Variants in C12orf56 observed in about 807,000 individuals in gnomAD.
C12orf56 encodes uncharacterized protein C12orf56.
A neutral mutation model predicts 69.9 loss-of-function variants in C12orf56; 71 were observed. That is an observed-to-expected ratio of 1.02 (90% CI 0.84 to 1.24). C12orf56 has a LOEUF of 1.24. Ranked by LOEUF, C12orf56 falls within the 50% of genes most tolerant of loss-of-function variation. The pLI is 0.00. For synonymous variants in C12orf56, 276 were observed against 274.1 expected (o/e 1.01, Z -0.07); for missense variants, 732 against 738.5 (o/e 0.99, Z 0.10).
At chr12:64,307,427 T>A (rs1295193273) in intron 5 of C12orf56, among the ~76,000 whole-genome samples, 1 of 145,188 alleles carries the variant, frequency 6.9e-6, no homozygotes, top group Admixed American at 7.2e-5. Context: ...TGGAGTGCCG[T>A]GGCACAATCT....
intron 1 of C12orf56, among the ~76,000 whole-genome samples, chr12:64,378,566 TG>T (rs2039671588): frequency 1.3e-5 from 2 of 152,102 alleles, no homozygotes; most frequent in Admixed American, 1.3e-4. Flanking sequence ...CCCAAGTAAC[TG>T]GGACTACAGG....
chr12:64,341,099 C>G (rs2039068409), intron 2 of C12orf56, among the ~76,000 whole-genome samples: 1 of 152,174 alleles, frequency 6.6e-6, no homozygotes, highest in African/African-American at 2.4e-5. Context: ...GGCCTGTTGA[C>G]TTAAAGGTAG....
chr12:64,338,290 A>G (rs1023972807), intron 2 of C12orf56: 1 of 510,500 alleles, frequency 2.0e-6, no homozygotes, highest in African/African-American at 2.0e-5. Flanking sequence ...TTATGTTACA[A>G]TCCCCATTAT....
Position 64,318,685 on chromosome 12 carries a change from G to T in C12orf56, c.784C>A (p.Gln262Lys). ...LGNSLLDSPS[Q>K]SNSNLEKKES... ...TTTTTCTCTAAATTTGAGTTGCTCTGTGAAGGGGAATCTAAGAGGGAATTT... is the reference window on the plus strand; with the variant it reads ...TTTTTCTCTAAATTTGAGTTGCTCTTTGAAGGGGAATCTAAGAGGGAATTT... Residue 262 changes from glutamine (Q) to lysine (K), a missense_variant, in exon 4 of 13, where the codon CAG becomes AAG. Physicochemically the swap from Gln to Lys is moderately conservative, Grantham distance 53. Transcript: ENST00000543942. 6.5e-7 allele frequency: 1 copy of T among 1,537,146 alleles called. No individual in the cohort carries two copies. The highest frequency in any genetic ancestry group is 2.4e-5 in the East Asian group (1 of 40,924).
At chr12:64,338,656 C>G in intron 2 of C12orf56, 1 of 1,586,178 alleles carries the variant, frequency 6.3e-7, no homozygotes, top group Non-Finnish European at 8.7e-7. Flanking sequence ...TTTGGGTTTG[C>G]ACAAACTGAC....
At chr12:64,344,653 A>G (rs766246998) in intron 2 of C12orf56, among the ~76,000 whole-genome samples, 2 of 152,170 alleles carry the variant, frequency 1.3e-5, no homozygotes, top group African/African-American at 2.4e-5. Flanking sequence ...GTTAGATCTG[A>G]CATACAGAGA....
intron 3 of C12orf56, among the ~76,000 whole-genome samples, chr12:64,320,775 C>G (rs374953283): frequency 6.6e-6 from 1 of 152,146 alleles, no homozygotes; most frequent in Non-Finnish European, 1.5e-5. Context: ...CCCAGCAGAA[C>G]GGACCAAAAC....
intron 5 of C12orf56, among the ~76,000 whole-genome samples, chr12:64,309,101 A>G (rs1565749247): frequency 6.6e-6 from 1 of 152,200 alleles, no homozygotes; most frequent in Non-Finnish European, 1.5e-5. Context: ...ACAAACACAC[A>G]TATATACTTT....
intron 2 of C12orf56, among the ~76,000 whole-genome samples, chr12:64,337,199 T>C (rs932972174): frequency 7.9e-5 from 12 of 152,122 alleles, no homozygotes; most frequent in African/African-American, 2.7e-4. Context: ...TTTACTCACT[T>C]CAGACACCAA....
intron 9 of C12orf56, among the ~76,000 whole-genome samples, chr12:64,276,999 A>C (rs1299071358): frequency 1.1e-5 from 1 of 89,078 alleles, no homozygotes; most frequent in East Asian, 7.6e-4. Flanking sequence ...TTCTTAAAAA[A>C]AAAAAAAAAA....
intron 1 of C12orf56, among the ~76,000 whole-genome samples, chr12:64,387,059 C>G (rs2039801509): frequency 1.0e-5 from 1 of 97,230 alleles, no homozygotes; most frequent in Non-Finnish European, 1.8e-5. Flanking sequence ...GCCTGGGTAA[C>G]AGAGCGAGAC....
At chr12:64,282,925 C>T (rs901256352) in intron 8 of C12orf56, among the ~76,000 whole-genome samples, 13 of 151,990 alleles carry the variant, frequency 8.6e-5, no homozygotes, top group Non-Finnish European at 1.9e-4. Context: ...AGGCGGATCA[C>T]CTGAGGTCGG....
chr12:64,275,036 A>C, intron 10 of C12orf56, 61 bp from the exon 11 acceptor site: 1 of 1,392,104 alleles, frequency 7.2e-7, no homozygotes, highest in Non-Finnish European at 1.0e-6. Flanking sequence ...ATATAAAAGG[A>C]TACTCATTCT....
intron 8 of C12orf56, among the ~76,000 whole-genome samples, chr12:64,278,805 G>A (rs2038088309): frequency 6.6e-6 from 1 of 152,056 alleles, no homozygotes; most frequent in Non-Finnish European, 1.5e-5. Flanking sequence ...GTTTTTATGA[G>A]TTTGGCTTTT....
At chr12:64,270,221 C>A (rs1218656845) in intron 12 of C12orf56, among the ~76,000 whole-genome samples, 1 of 151,922 alleles carries the variant, frequency 6.6e-6, no homozygotes, top group Non-Finnish European at 1.5e-5. Context: ...CATGGTGAAA[C>A]CCTGTCTCTA....
chr12:64,352,672 G>A (rs2039245599), intron 2 of C12orf56, among the ~76,000 whole-genome samples: 1 of 152,144 alleles, frequency 6.6e-6, no homozygotes, highest in Non-Finnish European at 1.5e-5. Context: ...TGAGGTGAGA[G>A]CCAGTTGGCC....
intron 1 of C12orf56, among the ~76,000 whole-genome samples, chr12:64,354,000 A>AT (rs1259806655): frequency 1.3e-5 from 2 of 152,108 alleles, no homozygotes; most frequent in African/African-American, 4.8e-5. Context: ...TTTAAAAATA[A>AT]TTTTTTCATA....
chr12:64,301,404 A>C (rs2038444344), intron 6 of C12orf56, among the ~76,000 whole-genome samples: 1 of 152,130 alleles, frequency 6.6e-6, no homozygotes, highest in African/African-American at 2.4e-5. Context: ...AGGCCGCCAC[A>C]AACAAGTTTA....
chr12:64,384,680 C>G (rs1325655525), intron 1 of C12orf56, among the ~76,000 whole-genome samples: 1 of 152,042 alleles, frequency 6.6e-6, no homozygotes, highest in Non-Finnish European at 1.5e-5. Flanking sequence ...ATTTTCTTTC[C>G]CGTAGGTGAT....
Sources: gnomAD v4.1 joint callset for allele counts (sites outside exome capture counted in the v4.1 genomes callset) on GRCh38, gnomAD v4.1.1 for gene constraint, MANE v1.5 for transcripts, NCBI Gene and HGNC (gene_info 2026-07-23, HGNC 2026-07-21) for gene names.